TSPAN33: variants seen among roughly 807,000 people sequenced by gnomAD.
The protein encoded by TSPAN33 is tetraspanin 33.
TSPAN33 carries 27 observed loss-of-function variants against 34.8 expected under a neutral mutation model. That is an observed-to-expected ratio of 0.78 (90% CI 0.57 to 1.07). The LOEUF (loss-of-function observed/expected upper bound fraction) is 1.07, where lower values mean the gene tolerates loss of function less well. TSPAN33 is among the 50% of genes least tolerant of loss of function. The pLI is 0.00. For missense variants in TSPAN33, 272 were observed against 324.9 expected (o/e 0.84, Z 1.25); for synonymous variants, 119 against 124.2 (o/e 0.96, Z 0.28).
intron 5 of TSPAN33, among the ~76,000 whole-genome samples, chr7:129,166,201 A>G (rs1793137476): frequency 6.6e-6 from 1 of 152,064 alleles, no homozygotes; most frequent in Admixed American, 6.5e-5. Flanking sequence ...CGGCCTCCCA[A>G]AGTGCTGGGA....
At position 129,165,031 on chromosome 7, in the gene TSPAN33, A is replaced by G. The variant is rs1793117348; in HGVS notation, c.459+462A>G. On this transcript the variant is annotated intron_variant, in intron 5 of 7. Coordinates refer to ENST00000486685, the MANE Select transcript of TSPAN33 (RefSeq NM_178562.5). This position sits in a 1 kb window ranked among gnomAD's most constrained non-coding sequence, Gnocchi z 4.5. ...TGTAAAATTTACCATTTTTAAGCAT[A>G]CAGATCCGTGGCATGAAGTACCTTC... 6.2e-6 allele frequency: 1 copy of G among 160,576 alleles called. No individual in the cohort carries two copies. The highest frequency in any genetic ancestry group is 1.4e-5 in the Non-Finnish European group (1 of 72,922). The allele number at this position is 160,576 out of a possible 1,614,324, so 9.9% of individuals were successfully genotyped here. A position where few individuals can be genotyped will look rare whatever the true frequency, so the allele number is the denominator to read the frequency against.
intron 1 of TSPAN33, among the ~76,000 whole-genome samples, chr7:129,157,098 G>A (rs1019946381): frequency 1.3e-5 from 2 of 152,210 alleles, no homozygotes; most frequent in Non-Finnish European, 2.9e-5. Flanking sequence ...TCATGATATT[G>A]TGAGGTGCCA....
chr7:129,153,713 G>T (rs1261104369), intron 1 of TSPAN33, among the ~76,000 whole-genome samples: 1 of 152,124 alleles, frequency 6.6e-6, no homozygotes, highest in Non-Finnish European at 1.5e-5. Flanking sequence ...GGCCATGGCG[G>T]GTGGATCACT....
intron 4 of TSPAN33, among the ~76,000 whole-genome samples, chr7:129,163,194 A>C (rs980238138): frequency 6.6e-6 from 1 of 152,230 alleles, no homozygotes; most frequent in Non-Finnish European, 1.5e-5. Context: ...AAATGACAGA[A>C]TCAAACTCAA....
At chr7:129,156,761 A>G (rs1244375450) in intron 1 of TSPAN33, among the ~76,000 whole-genome samples, 1 of 152,050 alleles carries the variant, frequency 6.6e-6, no homozygotes, top group Non-Finnish European at 1.5e-5. Flanking sequence ...GCACTACAAG[A>G]TGCTCTAGGC....
intron 1 of TSPAN33, among the ~76,000 whole-genome samples, chr7:129,146,021 A>G (rs897088940): frequency 7.2e-5 from 11 of 152,090 alleles, no homozygotes; most frequent in African/African-American, 2.7e-4. Context: ...GTGTGAGAAC[A>G]TAGGGACATC....
chr7:129,149,323 C>T (rs974575681), intron 1 of TSPAN33, among the ~76,000 whole-genome samples: 2 of 152,056 alleles, frequency 1.3e-5, no homozygotes, highest in Admixed American at 1.3e-4. Flanking sequence ...TTTGGGAGGC[C>T]GGGGCAGGTG....
At chr7:129,145,123 C>A (rs138715217) in intron 1 of TSPAN33, 41 bp downstream of exon 1, 26,248 of 650,600 alleles carry the variant, frequency 0.04, 688 homozygotes, top group Middle Eastern at 0.089. Context: ...GCGGGGTCCC[C>A]CCGCGGGGTG....
At chr7:129,149,932 G>T (rs192963411) in intron 1 of TSPAN33, among the ~76,000 whole-genome samples, 11 of 152,324 alleles carry the variant, frequency 7.2e-5, no homozygotes, top group African/African-American at 2.6e-4. Context: ...GGAGAGAGGT[G>T]GCCCTACTCC....
At chr7:129,153,261 G>T (rs1162454930) in intron 1 of TSPAN33, among the ~76,000 whole-genome samples, 1 of 152,016 alleles carries the variant, frequency 6.6e-6, no homozygotes, top group Non-Finnish European at 1.5e-5. Flanking sequence ...GGGAGTGATG[G>T]TTTAATGGGT....
intron 1 of TSPAN33, among the ~76,000 whole-genome samples, chr7:129,161,027 A>C (rs1793042252): frequency 6.6e-6 from 1 of 152,166 alleles, no homozygotes. Flanking sequence ...AATTTGCCCT[A>C]TGTGTACCCA....
intron 4 of TSPAN33, 74 bp from the exon 5 acceptor site, chr7:129,164,400 A>T: frequency 7.9e-7 from 1 of 1,260,140 alleles, no homozygotes; most frequent in Non-Finnish European, 1.2e-6. Context: ...ATCCCTGTCT[A>T]CTGTTATTTT....
Position 129,162,455 on chromosome 7 carries a change from C to T in TSPAN33, c.222C>T (p.Leu74=), listed in dbSNP as rs746924179. The stretch of plus-strand genomic sequence containing the variant: ...TCCTGCTGATCGTGGTGGGTGTCCT[C>T]ATGTTCCTGCTCACCTTCTGTGGCT... ...PAILLIVVGV[L]MFLLTFCGCI... Residue 74 remains leucine (L), a synonymous_variant, in exon 3 of 8, where the codon CTC becomes CTT. Coordinates refer to ENST00000486685, the MANE Select transcript of TSPAN33 (RefSeq NM_178562.5). The T allele has an allele frequency of 2.5e-6, 4 of 1,613,952 alleles. No individual in the cohort carries two copies. Among genetic ancestry groups the T allele is most frequent in the Admixed American group, 1.7e-5 (1 of 60,028 alleles).
chr7:129,151,212 G>A (rs575899797), intron 1 of TSPAN33, among the ~76,000 whole-genome samples: 44 of 152,122 alleles, frequency 2.9e-4, no homozygotes, highest in Non-Finnish European at 5.4e-4. Flanking sequence ...CTGCAGCCTC[G>A]ACTGCTTGGG....
chr7:129,162,361 C>T, intron 2 of TSPAN33, 33 bp from the exon 3 acceptor site: 1 of 1,607,132 alleles, frequency 6.2e-7, no homozygotes. Context: ...CAGTGGGCAC[C>T]AGGCTCAGGC....
intron 4 of TSPAN33, among the ~76,000 whole-genome samples, chr7:129,163,296 A>C (rs377032469): frequency 6.6e-6 from 1 of 151,886 alleles, no homozygotes; most frequent in African/African-American, 2.4e-5. Flanking sequence ...GGGGGAAGAG[A>C]ACAAGATTTT....
chr7:129,152,198 A>G (rs1038419386), intron 1 of TSPAN33, among the ~76,000 whole-genome samples: 1 of 152,342 alleles, frequency 6.6e-6, no homozygotes, highest in Admixed American at 6.5e-5. Flanking sequence ...AGAATTAAAC[A>G]TAGAATTACC....
At chr7:129,154,247 A>G (rs982480207) in intron 1 of TSPAN33, among the ~76,000 whole-genome samples, 10 of 151,488 alleles carry the variant, frequency 6.6e-5, no homozygotes, top group East Asian at 2.0e-4. Context: ...TCTTGAGCCC[A>G]AGAGGTTGAG....
chr7:129,147,114 C>T (rs775907736), intron 1 of TSPAN33, among the ~76,000 whole-genome samples: 5 of 152,074 alleles, frequency 3.3e-5, no homozygotes, highest in Non-Finnish European at 7.4e-5. Context: ...TAGCACCACC[C>T]CAAATTAGAA....
Sources: allele counts gnomAD v4.1 joint callset (sites outside exome capture counted in the v4.1 genomes callset), GRCh38; gene constraint gnomAD v4.1.1; non-coding constraint Gnocchi (gnomAD v3.1); transcripts MANE v1.5; gene names NCBI Gene and HGNC (gene_info 2026-07-23, HGNC 2026-07-21).